Variants in CWC27 observed in about 807,000 individuals in gnomAD.
CWC27 encodes the protein CWC27 spliceosome associated cyclophilin.
Under a neutral mutation model 63.6 loss-of-function variants are expected in CWC27, and 47 were observed. The observed-to-expected ratio is 0.74, with a 90% confidence interval of 0.58 to 0.94. The LOEUF is 0.94. CWC27 is among the 40% of genes least tolerant of loss of function. CWC27 has a pLI of 0.00. For missense variants in CWC27, 495 were observed against 554.3 expected (o/e 0.89, Z 1.07); for synonymous variants, 175 against 179.8 (o/e 0.97, Z 0.22).
Position 64,791,444 on chromosome 5 carries a change from A to G in CWC27, c.669+2424A>G, listed in dbSNP as rs191948201. On this transcript the variant is annotated intron_variant, in intron 7 of 13. Coordinates refer to ENST00000381070, the MANE Select transcript of CWC27 (RefSeq NM_005869.4). ...GAAATGTACAAGGATAGCAGCACAGATAGTGCTGTCTTTTTTTTTTTCTTT... is the reference window on the plus strand; with the variant it reads ...GAAATGTACAAGGATAGCAGCACAGGTAGTGCTGTCTTTTTTTTTTTCTTT... Among the ~76,000 whole-genome samples, 12 of 138,010 alleles carry G rather than the reference A, an allele frequency of 8.7e-5. No individual in the cohort carries two copies. The East Asian group carries it at 3.0e-3, about 34-fold the overall frequency. The allele number at this position is 138,010 out of a possible 152,430, so 90.5% of individuals were successfully genotyped here.
intron 10 of CWC27, among the ~76,000 whole-genome samples, chr5:64,862,360 C>G (rs143242712): frequency 0.019 from 2,537 of 134,004 alleles, 67 homozygotes; most frequent in African/African-American, 0.071. Flanking sequence ...TATAATATAC[C>G]CTTCCTCAAA....
At chr5:64,982,994 A>G (rs1352292246) in intron 13 of CWC27, among the ~76,000 whole-genome samples, 2 of 152,336 alleles carry the variant, frequency 1.3e-5, no homozygotes, top group South Asian at 2.1e-4. Context: ...TTGCATGCTC[A>G]TTATGAGACT....
chr5:64,868,372 A>G (rs1040171829), intron 10 of CWC27, among the ~76,000 whole-genome samples: 7 of 152,102 alleles, frequency 4.6e-5, no homozygotes, highest in African/African-American at 1.7e-4. Flanking sequence ...AGTGTTTCCA[A>G]TGATAAATAT....
intron 10 of CWC27, among the ~76,000 whole-genome samples, chr5:64,862,616 A>C (rs1339513856): frequency 6.6e-6 from 1 of 152,130 alleles, no homozygotes; most frequent in Non-Finnish European, 1.5e-5. Context: ...CCCATATTCA[A>C]ATTTTCCCAG....
chr5:64,844,495 A>T lies in CWC27; in HGVS notation c.938+40109A>T, dbSNP rs546856844. Among the ~76,000 whole-genome samples, 60 of 152,322 alleles carry T rather than the reference A, an allele frequency of 3.9e-4. 1 individual carries two copies. Among genetic ancestry groups the T allele is most frequent in the Admixed American group, 3.5e-3 (54 of 15,298 alleles). ...CAGAGCCCACCTCTGTGACCTGCAT[A>T]TGCAGGGGGATGCCCACTTCCTCCC... On this transcript the variant is annotated intron_variant, in intron 10 of 13. Transcript: ENST00000381070.
chr5:64,804,091 A>C (rs752968548), intron 9 of CWC27, 138 bp from the exon 10 acceptor site: 160 of 785,310 alleles, frequency 2.0e-4, no homozygotes, highest in Non-Finnish European at 2.7e-4. Context: ...AGGGCTTATA[A>C]TTCAAAACAA....
intron 13 of CWC27, among the ~76,000 whole-genome samples, chr5:64,997,123 G>T (rs1749648189): frequency 6.6e-6 from 1 of 152,034 alleles, no homozygotes. Context: ...TTAAAAGTTT[G>T]TTTAACTTGA....
intron 10 of CWC27, among the ~76,000 whole-genome samples, chr5:64,821,695 G>A (rs1007974432): frequency 1.3e-5 from 2 of 152,132 alleles, no homozygotes; most frequent in African/African-American, 2.4e-5. Context: ...AAAAAGAGTA[G>A]GGGAAGAATG....
At position 64,816,648 on chromosome 5, in the gene CWC27, A is replaced by G. The variant is rs1193168067; in HGVS notation, c.938+12262A>G. Among the ~76,000 whole-genome samples, 18 of 152,116 alleles carry G rather than the reference A, an allele frequency of 1.2e-4. 1 individual carries two copies. The highest frequency in any genetic ancestry group is 1.2e-3 in the Admixed American group (18 of 15,248). On this transcript the variant is annotated intron_variant, in intron 10 of 13. Transcript: ENST00000381070. ...TGCAGCTTGAAATGCCTACCTCTGG[A>G]CATTTCCTATATGAGATAAACTACC... is the stretch of plus-strand genomic sequence containing the variant.
intron 11 of CWC27, among the ~76,000 whole-genome samples, chr5:64,916,749 C>A (rs1747894650): frequency 6.6e-6 from 1 of 152,136 alleles, no homozygotes; most frequent in Non-Finnish European, 1.5e-5. Flanking sequence ...AAAAACATAC[C>A]TATAACACTT....
intron 12 of CWC27, among the ~76,000 whole-genome samples, chr5:64,973,717 T>C (rs1561175700): frequency 6.6e-6 from 1 of 152,176 alleles, no homozygotes; most frequent in Non-Finnish European, 1.5e-5. Flanking sequence ...AAGAGGATGT[T>C]TTTTGTTTGC....
In CWC27 at chr5:64,848,759, C is replaced by T. The variant is rs567021701; in HGVS notation, c.939-36684C>T. ...AACCATGTGATCATGTCACTAGATGCAGGAAAAGCATTTGATAAAATTCAA... is the reference window on the plus strand; with the variant it reads ...AACCATGTGATCATGTCACTAGATGTAGGAAAAGCATTTGATAAAATTCAA... On this transcript the variant is annotated intron_variant, in intron 10 of 13. Coordinates refer to ENST00000381070, the MANE Select transcript of CWC27 (RefSeq NM_005869.4). Among the ~76,000 whole-genome samples the T allele has an allele frequency of 7.2e-5, 11 of 152,190 alleles. No individual in the cohort carries two copies. The South Asian group carries it at 2.3e-3, about 32-fold the overall frequency.
intron 11 of CWC27, among the ~76,000 whole-genome samples, chr5:64,907,737 G>A (rs1330051810): frequency 3.3e-5 from 5 of 152,100 alleles, no homozygotes; most frequent in African/African-American, 1.2e-4. Context: ...TCCCTATCTT[G>A]TGCCAGTTTT....
intron 8 of CWC27, 134 bp from the exon 9 acceptor site, chr5:64,801,165 GCCT>G: frequency 1.3e-6 from 1 of 776,452 alleles, no homozygotes; most frequent in Non-Finnish European, 1.9e-6. Flanking sequence ...GTTCTATAAT[GCCT>G]TTCTTAAATT....
At chr5:64,784,461 C>G (rs528766769) in intron 4 of CWC27, among the ~76,000 whole-genome samples, 1 of 152,268 alleles carries the variant, frequency 6.6e-6, no homozygotes, top group South Asian at 2.1e-4. Context: ...AGGGAACGTC[C>G]TTTCTATAGA....
At chr5:64,931,156 C>A (rs1748229689) in intron 11 of CWC27, among the ~76,000 whole-genome samples, 1 of 151,946 alleles carries the variant, frequency 6.6e-6, no homozygotes, top group South Asian at 2.1e-4. Flanking sequence ...ACTTGATATA[C>A]CTGAATTTGA....
chr5:64,961,031 G>A (rs1408357257), intron 11 of CWC27, among the ~76,000 whole-genome samples: 1 of 152,102 alleles, frequency 6.6e-6, no homozygotes, highest in African/African-American at 2.4e-5. Context: ...AATCTATACA[G>A]TGAAAGCTGT....
In CWC27 at chr5:64,885,519, G is replaced by T; in HGVS notation, c.1015G>T (p.Ala339Ser). 6.2e-7 allele frequency: 1 copy of T among 1,603,096 alleles called. No individual in the cohort carries two copies. The highest frequency in any genetic ancestry group is 1.1e-5 in the South Asian group (1 of 88,856). The change falls in exon 11 of 14, where the codon GCA (alanine) becomes TCA (serine). Residue 339 changes from alanine to serine, a missense_variant. This residue lies in a region of CWC27 where 463 missense variants were observed against 498.1 expected (regional missense o/e 0.93). Transcript: ENST00000381070. ...AAKQKKVENA[A>S]KQAEKRSEEE... ...AAAACAAAAAAAAGTAGAAAATGCA[G>T]CAAAACAAGCAGAAAAAAGAAGTGA...
At chr5:64,844,113 C>G (rs1745914012) in intron 10 of CWC27, among the ~76,000 whole-genome samples, 1 of 151,922 alleles carries the variant, frequency 6.6e-6, no homozygotes, top group African/African-American at 2.4e-5. Flanking sequence ...TTAAGTCAAG[C>G]ACAACACCAG....
Sources: allele counts gnomAD v4.1 joint callset (sites outside exome capture counted in the v4.1 genomes callset), GRCh38; gene constraint gnomAD v4.1.1; regional missense constraint gnomAD v4.1.1; transcripts MANE v1.5; gene names NCBI Gene and HGNC (gene_info 2026-07-23, HGNC 2026-07-21).